UBE2K: variants seen among roughly 807,000 people sequenced by gnomAD.
UBE2K encodes ubiquitin conjugating enzyme E2 K.
In UBE2K, 6 loss-of-function variants were observed where a neutral mutation model predicts 30.0. That is an observed-to-expected ratio of 0.20 (90% confidence interval 0.11 to 0.39). UBE2K has a LOEUF of 0.39. Among genes scored for constraint, UBE2K ranks in the 10% least tolerant of loss-of-function variants. UBE2K has a pLI of 1.00. For synonymous variants in UBE2K, 86 were observed against 83.7 expected (o/e 1.03, Z -0.15); for missense variants, 61 against 241.6 (o/e 0.25, Z 4.96).
intron 1 of UBE2K, among the ~76,000 whole-genome samples, chr4:39,728,133 CA>C (rs149266525): frequency 2.4e-4 from 35 of 145,188 alleles, no homozygotes; most frequent in East Asian, 4.0e-4. Flanking sequence ...GACACCATCT[CA>C]AAAAAAAAAA....
chr4:39,769,328 T>C (rs1712582777), intron 4 of UBE2K, among the ~76,000 whole-genome samples: 1 of 149,850 alleles, frequency 6.7e-6, no homozygotes, highest in Admixed American at 6.8e-5. Flanking sequence ...TCTTAAAAAA[T>C]ACTGTATGTC....
chr4:39,714,538 A>ATTTT (rs1330301395), intron 1 of UBE2K: 1 of 22,232 alleles, frequency 4.5e-5, no homozygotes, highest in Non-Finnish European at 6.9e-5. Context: ...ATATATATAT[A>ATTTT]TATATATATA....
At chr4:39,759,529 T>G (rs7674430) in intron 4 of UBE2K, among the ~76,000 whole-genome samples, 1 of 152,114 alleles carries the variant, frequency 6.6e-6, no homozygotes, top group Non-Finnish European at 1.5e-5. Context: ...GGTGATCCAC[T>G]GGCCTCGGCC....
intron 1 of UBE2K, among the ~76,000 whole-genome samples, chr4:39,719,047 C>T (rs1418774696): frequency 6.6e-6 from 1 of 152,260 alleles, no homozygotes; most frequent in East Asian, 1.9e-4. Context: ...TGAGGGCTGC[C>T]AGCACGCTGT....
intron 1 of UBE2K, among the ~76,000 whole-genome samples, chr4:39,716,718 C>A (rs1436968468): frequency 6.6e-6 from 1 of 152,092 alleles, no homozygotes; most frequent in Non-Finnish European, 1.5e-5. Context: ...AAAAATGAGG[C>A]CAGACACGGT....
intron 4 of UBE2K, among the ~76,000 whole-genome samples, chr4:39,769,401 C>T (rs1712591513): frequency 6.7e-6 from 1 of 148,790 alleles, no homozygotes; most frequent in Non-Finnish European, 1.5e-5. Flanking sequence ...CCTTACCCCC[C>T]CACCCCCATG....
Position 39,745,766 on chromosome 4 carries a change from C to G in UBE2K, c.172C>G (p.Leu58Val). 6.2e-7 allele frequency: 1 copy of G among 1,606,902 alleles called. No homozygotes were observed. ...CATTTTTTTAGGAGGAAGATACCAA[C>G]TAGAGATAAAAATACCAGAAACATA... The part of the protein sequence containing the change: ...DTPYEGGRYQ[L>V]EIKIPETYPF... The change falls in exon 3 of 7, where the codon CTA (leucine) becomes GTA (valine). Residue 58 changes from leucine (L) to valine (V), a missense_variant. Leu to Val is a conservative substitution (Grantham distance 32). Coordinates refer to ENST00000261427, the MANE Select transcript of UBE2K (RefSeq NM_005339.5).
At chr4:39,715,443 A>G (rs1177849361) in intron 1 of UBE2K, among the ~76,000 whole-genome samples, 2 of 151,990 alleles carry the variant, frequency 1.3e-5, no homozygotes, top group Non-Finnish European at 2.9e-5. Flanking sequence ...AAGTGCTGAG[A>G]TTATAGGTGT....
At chr4:39,741,419 A>G (rs1720698345) in intron 2 of UBE2K, among the ~76,000 whole-genome samples, 1 of 152,212 alleles carries the variant, frequency 6.6e-6, no homozygotes. Flanking sequence ...TCATTTTGTT[A>G]AGGAAAACAC....
intron 1 of UBE2K, among the ~76,000 whole-genome samples, chr4:39,707,879 C>G (rs559491359): frequency 1.4e-5 from 2 of 148,110 alleles, no homozygotes; most frequent in Non-Finnish European, 3.0e-5. Flanking sequence ...GAGACAGTCC[C>G]AAAGGAATTC....
chr4:39,727,717 T>C (rs1719830718), intron 1 of UBE2K, among the ~76,000 whole-genome samples: 1 of 151,932 alleles, frequency 6.6e-6, no homozygotes. Context: ...AGGATTGAAG[T>C]ATATAAATTC....
At chr4:39,706,545 T>C (rs1718377100) in intron 1 of UBE2K, among the ~76,000 whole-genome samples, 1 of 149,022 alleles carries the variant, frequency 6.7e-6, no homozygotes, top group Non-Finnish European at 1.5e-5. Flanking sequence ...TGATCCAAGC[T>C]CACTGCAGCC....
chr4:39,780,593 A>C lies in UBE2K; in HGVS notation c.*2159A>C, dbSNP rs984554803. 9.2e-5 allele frequency: 14 copies of C among 152,120 alleles called. No individual in the cohort carries two copies. The highest frequency in any genetic ancestry group is 6.2e-4 in the South Asian group (3 of 4,830). 9.4% of individuals were successfully genotyped at this position (152,120 alleles called of 1,614,324 possible). On this transcript the variant is annotated 3_prime_UTR_variant, in exon 7 of 7. Coordinates refer to ENST00000261427, the MANE Select transcript of UBE2K (RefSeq NM_005339.5). ...TACACTTCAGCATCCCCAGTGCCCA[A>C]GAAATTGGAAAGTACAATATTTGGT...
intron 1 of UBE2K, among the ~76,000 whole-genome samples, chr4:39,724,190 C>T (rs1263918866): frequency 6.6e-6 from 1 of 150,634 alleles, no homozygotes; most frequent in Non-Finnish European, 1.5e-5. Flanking sequence ...TTACTACAAC[C>T]TGGAACTCCT....
intron 1 of UBE2K, among the ~76,000 whole-genome samples, chr4:39,712,861 CTTT>C (rs542180052): frequency 1.5e-5 from 2 of 133,692 alleles, no homozygotes; most frequent in Non-Finnish European, 3.2e-5. Context: ...TTAGTGTTTA[CTTT>C]TTTTTTTTTT....
chr4:39,720,561 G>C (rs887277549), intron 1 of UBE2K, among the ~76,000 whole-genome samples: 2 of 152,172 alleles, frequency 1.3e-5, no homozygotes, highest in Non-Finnish European at 2.9e-5. Flanking sequence ...TTGACTTTAA[G>C]TAAGGGGACC....
chr4:39,712,888 C>CGGAGTCTCGCTTTGTCGCCCAGACT (rs1718791566), intron 1 of UBE2K, among the ~76,000 whole-genome samples: 1 of 144,182 alleles, frequency 6.9e-6, no homozygotes, highest in East Asian at 2.1e-4. Flanking sequence ...TTAAATGAGA[C>CGGAGTCTCGCTTTGTCGCCCAGACT]GGAGTCTCGC....
intron 1 of UBE2K, among the ~76,000 whole-genome samples, chr4:39,707,879 C>T (rs559491359): frequency 6.7e-6 from 1 of 148,226 alleles, no homozygotes; most frequent in East Asian, 2.0e-4. Flanking sequence ...GAGACAGTCC[C>T]AAAGGAATTC....
intron 3 of UBE2K, among the ~76,000 whole-genome samples, chr4:39,749,678 CAA>C (rs760704951): frequency 1.4e-5 from 2 of 141,680 alleles, no homozygotes; most frequent in African/African-American, 2.6e-5. Context: ...GACTCTGTCT[CAA>C]AAAAAAAAAG....
Sources: gnomAD v4.1 joint callset for allele counts (sites outside exome capture counted in the v4.1 genomes callset) on GRCh38, gnomAD v4.1.1 for gene constraint, MANE v1.5 for transcripts, NCBI Gene and HGNC (gene_info 2026-07-23, HGNC 2026-07-21) for gene names.